Variants in PCDH15 observed in about 807,000 individuals in gnomAD.
PCDH15 encodes the protein protocadherin-15.
In PCDH15, 129 loss-of-function variants were observed where a neutral mutation model predicts 178.5. That is an observed-to-expected ratio of 0.72 (90% CI 0.63 to 0.84). The LOEUF (loss-of-function observed/expected upper bound fraction) is 0.84. Among genes scored for constraint, PCDH15 ranks in the 40% least tolerant of loss-of-function variants. The pLI, the probability that PCDH15 is intolerant of heterozygous loss-of-function variation, is 0.00. For missense variants in PCDH15, 2,230 were observed against 2,099.9 expected, an observed-to-expected ratio of 1.06 and a Z score of -1.21; for synonymous variants, 800 against 732.0, an observed-to-expected ratio of 1.09 and a Z score of -1.50.
chr10:54,493,045 C>T (rs2079753708), intron 3 of PCDH15, among the ~76,000 whole-genome samples: 1 of 152,084 alleles, frequency 6.6e-6, no homozygotes. Context: ...TTTTGTGAGA[C>T]TTATTCACTG....
At chr10:55,081,208 T>C (rs1842033075) in intron 2 of PCDH15, among the ~76,000 whole-genome samples, 1 of 152,162 alleles carries the variant, frequency 6.6e-6, no homozygotes, top group Non-Finnish European at 1.5e-5. Context: ...CTCAGATGTT[T>C]CCTATGTTGA....
intron 3 of PCDH15, among the ~76,000 whole-genome samples, chr10:54,516,762 A>G (rs999154853): frequency 7.2e-5 from 11 of 152,206 alleles, no homozygotes; most frequent in African/African-American, 2.6e-4. Flanking sequence ...TAATTGTCAG[A>G]TTCACCAAAG....
In PCDH15 at chr10:55,602,145, A is replaced by G. The variant is rs561786960; in HGVS notation, c.-156+25480T>C. Among the ~76,000 whole-genome samples, 10 of 152,130 alleles carry G rather than the reference A, an allele frequency of 6.6e-5. 1 individual carries two copies. Among genetic ancestry groups the G allele is most frequent in the South Asian group, 4.1e-4 (2 of 4,828 alleles). ...GGTGACAGACAGCACCTGGAAAATC[A>G]GGTCACTCCCACCCGAATACTGCGC... On this transcript the variant is annotated intron_variant, in intron 2 of 5. Transcript: ENST00000613346.
intron 2 of PCDH15, among the ~76,000 whole-genome samples, chr10:55,500,024 A>T (rs1338860675): frequency 2.0e-5 from 3 of 151,788 alleles, no homozygotes; most frequent in Admixed American, 6.6e-5. Context: ...TGTAATATCT[A>T]AGATAAATAT....
chr10:54,502,942 ATTTT>A, intron 3 of PCDH15, among the ~76,000 whole-genome samples: 1 of 152,066 alleles, frequency 6.6e-6, no homozygotes, highest in Admixed American at 6.6e-5. Context: ...CATAATATGC[ATTTT>A]TTATTACTAA....
At chr10:55,338,972 T>C (rs1844477752) in intron 2 of PCDH15, among the ~76,000 whole-genome samples, 1 of 151,584 alleles carries the variant, frequency 6.6e-6, no homozygotes, top group Non-Finnish European at 1.5e-5. Context: ...AGAATTATTG[T>C]TACCAGAGGC....
chr10:55,401,061 G>C (rs1838050617), intron 2 of PCDH15, among the ~76,000 whole-genome samples: 2 of 152,048 alleles, frequency 1.3e-5, no homozygotes, highest in Middle Eastern at 3.2e-3. Context: ...TATAGATTAA[G>C]TAGACATTTT....
intron 37 of PCDH15, 27 bp downstream of exon 37, chr10:53,810,529 C>A: frequency 6.3e-7 from 1 of 1,583,092 alleles, no homozygotes; most frequent in Non-Finnish European, 8.7e-7. Context: ...GGAATATTAT[C>A]TTACATAATA....
chr10:53,837,567 T>G (rs1429228741), intron 29 of PCDH15, among the ~76,000 whole-genome samples: 2 of 152,142 alleles, frequency 1.3e-5, no homozygotes, highest in Non-Finnish European at 2.9e-5. Context: ...ACCTGAGCAT[T>G]CCAACATCCT....
At chr10:55,049,144 G>T (rs1841089707) in intron 2 of PCDH15, among the ~76,000 whole-genome samples, 1 of 151,936 alleles carries the variant, frequency 6.6e-6, no homozygotes, top group South Asian at 2.1e-4. Flanking sequence ...TGGTCACAAA[G>T]TCTTAAATTT....
intron 23 of PCDH15, among the ~76,000 whole-genome samples, chr10:53,944,152 T>C (rs1169658417): frequency 6.6e-6 from 1 of 152,144 alleles, no homozygotes; most frequent in Non-Finnish European, 1.5e-5. Flanking sequence ...AGTATGTAAC[T>C]ACTGTACAAT....
At chr10:54,667,089 A>T (rs1283300018) in intron 1 of PCDH15, among the ~76,000 whole-genome samples, 1 of 152,086 alleles carries the variant, frequency 6.6e-6, no homozygotes, top group Non-Finnish European at 1.5e-5. Flanking sequence ...TAGAATAGAT[A>T]TAGCATTTAC....
intron 3 of PCDH15, among the ~76,000 whole-genome samples, chr10:54,448,119 A>G (rs1170019623): frequency 6.6e-6 from 1 of 151,748 alleles, no homozygotes; most frequent in Non-Finnish European, 1.5e-5. Context: ...CTTATTACTC[A>G]TGATAATTGG....
intron 27 of PCDH15, among the ~76,000 whole-genome samples, chr10:53,863,788 G>A (rs1008402592): frequency 1.3e-5 from 2 of 152,114 alleles, no homozygotes; most frequent in Non-Finnish European, 2.9e-5. Flanking sequence ...GCTGGCGAGT[G>A]GGAATTGAAT....
At chr10:54,317,006 G>A (rs896158756) in intron 8 of PCDH15, among the ~76,000 whole-genome samples, 1 of 151,978 alleles carries the variant, frequency 6.6e-6, no homozygotes, top group Non-Finnish European at 1.5e-5. Context: ...TGAATTCCTT[G>A]GTGATTTATT....
chr10:53,835,815 C>T (rs114223307), intron 29 of PCDH15, among the ~76,000 whole-genome samples: 2,087 of 152,122 alleles, frequency 0.014, 49 homozygotes, highest in African/African-American at 0.047. Flanking sequence ...TTATAGACAC[C>T]CACAAACACA....
intron 2 of PCDH15, among the ~76,000 whole-genome samples, chr10:55,106,889 C>T (rs1837362771): frequency 6.6e-6 from 1 of 152,104 alleles, no homozygotes; most frequent in Non-Finnish European, 1.5e-5. Flanking sequence ...TAACTCCTCC[C>T]AAGAAATCCC....
intron 21 of PCDH15, among the ~76,000 whole-genome samples, chr10:53,978,203 G>T (rs2090346052): frequency 6.6e-6 from 1 of 152,168 alleles, no homozygotes; most frequent in Non-Finnish European, 1.5e-5. Context: ...CCTAGCAGAG[G>T]TTCTCCATGA....
intron 2 of PCDH15, among the ~76,000 whole-genome samples, chr10:55,548,320 A>G (rs1841936364): frequency 6.6e-6 from 1 of 152,008 alleles, no homozygotes; most frequent in Non-Finnish European, 1.5e-5. Flanking sequence ...TTACACGCCA[A>G]TATATAACAA....
Sources: gnomAD v4.1 joint callset for allele counts (sites outside exome capture counted in the v4.1 genomes callset) on GRCh38, gnomAD v4.1.1 for gene constraint, MANE v1.5 for transcripts, NCBI Gene and HGNC (gene_info 2026-07-23, HGNC 2026-07-21) for gene names.